PLXDC2: variants seen among roughly 807,000 people sequenced by gnomAD.
The protein encoded by PLXDC2 is plexin domain-containing protein 2.
In PLXDC2, 40 loss-of-function variants were observed where a neutral mutation model predicts 68.9. The ratio of observed to expected loss-of-function variants is 0.58; its 90% CI spans 0.45 to 0.76. The LOEUF (loss-of-function observed/expected upper bound fraction) is 0.76, where lower values mean the gene tolerates loss of function less well. PLXDC2 is among the 30% of genes least tolerant of loss of function. The pLI is 0.00. For missense variants in PLXDC2, 644 were observed against 661.9 expected, an observed-to-expected ratio of 0.97 and a Z score of 0.30; for synonymous variants, 243 against 234.2, an observed-to-expected ratio of 1.04 and a Z score of -0.34.
chr10:20,234,262 T>G (rs1167290133), intron 12 of PLXDC2, among the ~76,000 whole-genome samples: 1 of 152,196 alleles, frequency 6.6e-6, no homozygotes, highest in African/African-American at 2.4e-5. Context: ...AGAGTCTGTT[T>G]GCAAAGATGG....
At chr10:19,889,072 A>G (rs1429811186) in intron 1 of PLXDC2, among the ~76,000 whole-genome samples, 1 of 152,078 alleles carries the variant, frequency 6.6e-6, no homozygotes, top group African/African-American at 2.4e-5. Context: ...ATTTTTTATG[A>G]TAATATAATA....
At chr10:19,925,569 A>G (rs1439191149) in intron 1 of PLXDC2, among the ~76,000 whole-genome samples, 1 of 152,242 alleles carries the variant, frequency 6.6e-6, no homozygotes, top group Non-Finnish European at 1.5e-5. Flanking sequence ...TCTCAGATGG[A>G]AAATAAAATG....
intron 2 of PLXDC2, among the ~76,000 whole-genome samples, chr10:20,030,555 T>C (rs1429585198): frequency 6.6e-6 from 1 of 152,130 alleles, no homozygotes; most frequent in Non-Finnish European, 1.5e-5. Context: ...AAAACAAAGG[T>C]ACATTCCAGA....
chr10:20,164,378 T>G, intron 6 of PLXDC2, 90 bp from the exon 7 acceptor site: 1 of 1,053,002 alleles, frequency 9.5e-7, no homozygotes, highest in Non-Finnish European at 1.5e-6. Flanking sequence ...TTCCCATGGT[T>G]TTGTCCATGA....
chr10:20,160,480 A>G (rs1452026100), intron 6 of PLXDC2, among the ~76,000 whole-genome samples: 2 of 152,162 alleles, frequency 1.3e-5, no homozygotes, highest in East Asian at 1.9e-4. Context: ...TACTTGTTGA[A>G]GCTTGGAAAA....
At chr10:19,867,488 G>C (rs1187490361) in intron 1 of PLXDC2, among the ~76,000 whole-genome samples, 1 of 152,150 alleles carries the variant, frequency 6.6e-6, no homozygotes, top group Non-Finnish European at 1.5e-5. Context: ...TCTATAAGGA[G>C]CCAAACATCG....
At chr10:20,076,890 G>A (rs1836460182) in intron 4 of PLXDC2, among the ~76,000 whole-genome samples, 1 of 152,124 alleles carries the variant, frequency 6.6e-6, no homozygotes, top group African/African-American at 2.4e-5. Context: ...TTGGGACTCT[G>A]GGACACTGTC....
At chr10:19,872,168 A>G (rs568878030) in intron 1 of PLXDC2, among the ~76,000 whole-genome samples, 1 of 152,350 alleles carries the variant, frequency 6.6e-6, no homozygotes, top group Admixed American at 6.5e-5. Context: ...ACCATTAGCC[A>G]TGAAATAGTC....
chr10:20,147,943 C>A, intron 6 of PLXDC2, 41 bp downstream of exon 6: 2 of 1,366,126 alleles, frequency 1.5e-6, no homozygotes, highest in South Asian at 1.2e-5. Flanking sequence ...TCCCCTTGTT[C>A]TTGACTGCTG....
chr10:19,840,171 T>C (rs1836876095), intron 1 of PLXDC2, among the ~76,000 whole-genome samples: 1 of 152,180 alleles, frequency 6.6e-6, no homozygotes, highest in African/African-American at 2.4e-5. Flanking sequence ...TGACAGTTAA[T>C]ATCTATATAT....
chr10:19,971,089 G>T (rs1834344105), intron 1 of PLXDC2, among the ~76,000 whole-genome samples: 1 of 152,116 alleles, frequency 6.6e-6, no homozygotes, highest in South Asian at 2.1e-4. Context: ...TTTTAGATAT[G>T]ATTTAATATA....
At chr10:20,067,497 C>T (rs1319066202) in intron 3 of PLXDC2, among the ~76,000 whole-genome samples, 1 of 151,994 alleles carries the variant, frequency 6.6e-6, no homozygotes, top group African/African-American at 2.4e-5. Flanking sequence ...ACCAGCCCGG[C>T]CAACATGGCG....
intron 4 of PLXDC2, among the ~76,000 whole-genome samples, chr10:20,121,770 C>T (rs1220452703): frequency 6.6e-6 from 1 of 152,138 alleles, no homozygotes; most frequent in Non-Finnish European, 1.5e-5. Flanking sequence ...CCTGAACTAA[C>T]TTGAAAGGCT....
At chr10:20,055,246 A>G (rs954880189) in intron 3 of PLXDC2, among the ~76,000 whole-genome samples, 3 of 152,150 alleles carry the variant, frequency 2.0e-5, no homozygotes. Flanking sequence ...CATTTAAAAA[A>G]TTAAGTTTTC....
intron 13 of PLXDC2, among the ~76,000 whole-genome samples, chr10:20,246,997 G>T (rs1237453544): frequency 1.3e-5 from 2 of 152,116 alleles, no homozygotes; most frequent in Non-Finnish European, 2.9e-5. Context: ...TTTTCCTTCT[G>T]TGGGGGCTCA....
At chr10:19,838,331 T>TTCTATTTAGCAATAATCTATTCTATAC (rs1836838401) in intron 1 of PLXDC2, among the ~76,000 whole-genome samples, 1 of 152,336 alleles carries the variant, frequency 6.6e-6, no homozygotes, top group South Asian at 2.1e-4. Context: ...GAATAGATTA[T>TTCTATTTAGCAATAATCTATTCTATAC]GGAATTATTC....
At chr10:20,023,074 T>C (rs1564659997) in intron 2 of PLXDC2, among the ~76,000 whole-genome samples, 1 of 148,474 alleles carries the variant, frequency 6.7e-6, no homozygotes, top group Non-Finnish European at 1.5e-5. Flanking sequence ...GTAATGGCAT[T>C]TAAATATATA....
At chr10:20,158,392 C>G (rs575143544) in intron 6 of PLXDC2, among the ~76,000 whole-genome samples, 74 of 148,584 alleles carry the variant, frequency 5.0e-4, no homozygotes, top group African/African-American at 1.7e-3. Context: ...AGCTATACTT[C>G]TAAATAGCTT....
chr10:20,115,670 A>G (rs915846086), intron 4 of PLXDC2, among the ~76,000 whole-genome samples: 4 of 152,188 alleles, frequency 2.6e-5, no homozygotes, highest in Admixed American at 2.6e-4. Flanking sequence ...CATTTTGTCT[A>G]CGCCTCCCCC....
Sources: gnomAD v4.1 joint callset for allele counts (sites outside exome capture counted in the v4.1 genomes callset) on GRCh38, gnomAD v4.1.1 for gene constraint, MANE v1.5 for transcripts, NCBI Gene and HGNC (gene_info 2026-07-23, HGNC 2026-07-21) for gene names.